The following IRAK2 variants were observed in gnomAD, a reference collection of about 807,000 sequenced individuals.
IRAK2 encodes the protein interleukin-1 receptor-associated kinase-like 2.
Under a neutral mutation model 72.0 loss-of-function variants are expected in IRAK2, and 57 were observed. The observed-to-expected ratio is 0.79, with a 90% CI of 0.64 to 0.99. The LOEUF (loss-of-function observed/expected upper bound fraction) is 0.99. IRAK2 is among the 50% of genes least tolerant of loss of function. The pLI is 0.00. For synonymous variants in IRAK2, 293 were observed against 312.7 expected, an observed-to-expected ratio of 0.94 and a Z score of 0.67; for missense variants, 790 against 794.4, an observed-to-expected ratio of 0.99 and a Z score of 0.07.
At position 10,216,939 on chromosome 3, in the gene IRAK2, G is replaced by A. The variant is rs1308492729; in HGVS notation, c.794G>A (p.Cys265Tyr). ...GCACTGACGCCCGATTCCAGATGCT[G>A]CCACCCCAATGTCTTACCTGTGCTG... ...QAELQICLRCCHPNVLPVLGF... is the reference protein window; with the variant it reads ...QAELQICLRCYHPNVLPVLGF... The change falls in exon 7 of 13, where the codon TGC becomes TAC. Residue 265 changes from cysteine to tyrosine, a missense_variant. Transcript: ENST00000256458. 9 of 1,613,424 alleles carry A rather than the reference G, an allele frequency of 5.6e-6. No individual in the cohort carries two copies. Among genetic ancestry groups the A allele is most frequent in the Non-Finnish European group, 6.8e-6 (8 of 1,179,478 alleles).
chr3:10,168,763 A>G (rs1039895269), intron 1 of IRAK2, among the ~76,000 whole-genome samples: 3 of 152,028 alleles, frequency 2.0e-5, no homozygotes, highest in Non-Finnish European at 2.9e-5. Context: ...CTCTTCTTCC[A>G]CACCCACTGT....
chr3:10,200,246 C>A, intron 2 of IRAK2, 123 bp from the exon 3 acceptor site: 2 of 843,548 alleles, frequency 2.4e-6, no homozygotes, highest in Non-Finnish European at 3.7e-6. Flanking sequence ...TCCCGCCCTG[C>A]AACACCATGC....
Position 10,206,593 on chromosome 3 carries a change from T to C in IRAK2, c.425-2996T>C, listed in dbSNP as rs774726427. Among the ~76,000 whole-genome samples, 43 of 152,368 alleles carry C rather than the reference T, an allele frequency of 2.8e-4. No individual in the cohort carries two copies. In the Middle Eastern group the frequency reaches 0.014, roughly 48 times the overall value. On this transcript the variant is annotated intron_variant, in intron 3 of 12. Coordinates refer to ENST00000256458, the MANE Select transcript of IRAK2 (RefSeq NM_001570.4). ...TTTTTTGAGACTGAGTCTCGCTCTG[T>C]TGCCCAGGTTGGAGTGCAGTGGTAT...
In IRAK2 at chr3:10,226,448, C is replaced by A. The variant is rs1374505002; in HGVS notation, c.1272+15C>A. 6.2e-7 allele frequency: 1 copy of A among 1,609,884 alleles called. No homozygotes were observed. Among genetic ancestry groups the A allele is most frequent in the South Asian group, 1.1e-5 (1 of 90,414 alleles). Reference sequence around the variant, plus strand: ...CGGTTTACCTGGTAAGGGAACTTGTCACATCTGGCTGGGAGGTATATTTGG... The same window carrying A: ...CGGTTTACCTGGTAAGGGAACTTGTAACATCTGGCTGGGAGGTATATTTGG... On this transcript the variant is annotated intron_variant, in intron 10 of 12. Coordinates refer to ENST00000256458, the MANE Select transcript of IRAK2 (RefSeq NM_001570.4).
At chr3:10,168,567 T>C (rs1696741551) in intron 1 of IRAK2, among the ~76,000 whole-genome samples, 1 of 152,192 alleles carries the variant, frequency 6.6e-6, no homozygotes, top group East Asian at 1.9e-4. Flanking sequence ...CATCTTACTG[T>C]GGTTTGATTT....
chr3:10,201,758 C>T (rs1697363890), intron 3 of IRAK2, among the ~76,000 whole-genome samples: 1 of 152,260 alleles, frequency 6.6e-6, no homozygotes, highest in Non-Finnish European at 1.5e-5. Context: ...GCCTCACCTC[C>T]TGTCTCCTGC....
At chr3:10,195,465 T>C (rs1318567693) in intron 2 of IRAK2, among the ~76,000 whole-genome samples, 1 of 151,360 alleles carries the variant, frequency 6.6e-6, no homozygotes, top group Non-Finnish European at 1.5e-5. Flanking sequence ...GAGAGGAGGA[T>C]AGCTTGAGCT....
At chr3:10,206,185 C>T (rs1024655892) in intron 3 of IRAK2, among the ~76,000 whole-genome samples, 1 of 152,178 alleles carries the variant, frequency 6.6e-6, no homozygotes, top group Admixed American at 6.5e-5. Context: ...GGCCTGCCTT[C>T]GGTCTAAGGC....
At chr3:10,199,536 C>T (rs1473851337) in intron 2 of IRAK2, among the ~76,000 whole-genome samples, 1 of 152,106 alleles carries the variant, frequency 6.6e-6, no homozygotes, top group African/African-American at 2.4e-5. Context: ...GGGAAGGATG[C>T]GTTTGTCTCC....
chr3:10,175,745 C>G (rs962872542), intron 1 of IRAK2, among the ~76,000 whole-genome samples: 1 of 151,814 alleles, frequency 6.6e-6, no homozygotes, highest in African/African-American at 2.4e-5. Context: ...AAAAAATTAG[C>G]CAGGCGTGGT....
chr3:10,194,345 T>C (rs771588378), intron 2 of IRAK2, among the ~76,000 whole-genome samples: 1 of 152,236 alleles, frequency 6.6e-6, no homozygotes, highest in Non-Finnish European at 1.5e-5. Flanking sequence ...ATCAACTTTA[T>C]GTGTGGAATT....
intron 1 of IRAK2, among the ~76,000 whole-genome samples, chr3:10,174,932 C>CAAAAA (rs771089899): frequency 0.27 from 39,146 of 142,746 alleles, 6,428 homozygotes; most frequent in Non-Finnish European, 0.39. Context: ...ATGCCTGTAC[C>CAAAAA]AAAAAAAAAA....
intron 2 of IRAK2, among the ~76,000 whole-genome samples, chr3:10,188,239 G>A (rs1697109531): frequency 1.3e-5 from 2 of 152,152 alleles, no homozygotes; most frequent in African/African-American, 4.8e-5. Context: ...CTGGAAACTG[G>A]GTGCACTGGC....
chr3:10,183,534 A>C (rs529031550), intron 2 of IRAK2, among the ~76,000 whole-genome samples: 1 of 152,134 alleles, frequency 6.6e-6, no homozygotes, highest in Non-Finnish European at 1.5e-5. Flanking sequence ...TGGCTAACAC[A>C]GTGAAACCCT....
Position 10,224,594 on chromosome 3 carries a change from C to T in IRAK2, c.1209+1763C>T, listed in dbSNP as rs191750061. ...ATTGTTATTCCCACCTTTACACCCT[C>T]CTTCTGATATCTGTTTACTCTTGAC... On this transcript the variant is annotated intron_variant, in intron 9 of 12. Coordinates refer to ENST00000256458, the MANE Select transcript of IRAK2 (RefSeq NM_001570.4). Among the ~76,000 whole-genome samples the T allele has an allele frequency of 3.3e-3, 498 of 150,482 alleles. 1 individual carries two copies. Among genetic ancestry groups the T allele is most frequent in the Non-Finnish European group, 5.4e-3 (367 of 67,682 alleles).
chr3:10,178,831 C>T (rs1459660673), intron 2 of IRAK2, among the ~76,000 whole-genome samples: 2 of 152,120 alleles, frequency 1.3e-5, no homozygotes, highest in Non-Finnish European at 2.9e-5. Flanking sequence ...GAGACAGGGT[C>T]GTGCTCTGCT....
chr3:10,221,171 T>A (rs1278849243), intron 8 of IRAK2, among the ~76,000 whole-genome samples: 5 of 147,310 alleles, frequency 3.4e-5, no homozygotes, highest in Non-Finnish European at 7.4e-5. Context: ...GGCGGGCAGA[T>A]CACGAGGTCA....
intron 2 of IRAK2, among the ~76,000 whole-genome samples, chr3:10,184,723 GT>G (rs55839723): frequency 0.11 from 10,726 of 100,726 alleles, 239 homozygotes; most frequent in Admixed American, 0.18. Context: ...GTTTTTGTGT[GT>G]TTTTTTTTTT....
At chr3:10,170,748 C>G (rs9866893) in intron 1 of IRAK2, among the ~76,000 whole-genome samples, 1 of 152,188 alleles carries the variant, frequency 6.6e-6, no homozygotes, top group Non-Finnish European at 1.5e-5. Flanking sequence ...GGTGAGGATG[C>G]GGGCTGCCCA....
Sources: allele counts gnomAD v4.1 joint callset (sites outside exome capture counted in the v4.1 genomes callset), GRCh38; gene constraint gnomAD v4.1.1; transcripts MANE v1.5; gene names NCBI Gene and HGNC (gene_info 2026-07-23, HGNC 2026-07-21).